The following ATG13 variants were observed in gnomAD, a reference collection of about 807,000 sequenced individuals.
The protein encoded by ATG13 is autophagy-related protein 13.
ATG13 carries 23 observed loss-of-function variants against 65.5 expected under a neutral mutation model. That is an observed-to-expected ratio of 0.35 (90% CI 0.25 to 0.50). The LOEUF (loss-of-function observed/expected upper bound fraction) is 0.50, where lower values mean the gene tolerates loss of function less well. Among genes scored for constraint, ATG13 ranks in the 20% least tolerant of loss-of-function variants. The pLI, the probability that ATG13 is intolerant of heterozygous loss-of-function variation, is 0.98. For synonymous variants in ATG13, 252 were observed against 245.2 expected, an observed-to-expected ratio of 1.03 and a Z score of -0.26; for missense variants, 566 against 677.0, an observed-to-expected ratio of 0.84 and a Z score of 1.82.
At chr11:46,619,020 A>C (rs1415376052) in intron 1 of ATG13, among the ~76,000 whole-genome samples, 1 of 152,144 alleles carries the variant, frequency 6.6e-6, no homozygotes, top group East Asian at 1.9e-4. Flanking sequence ...CTTGAACTTT[A>C]GGTGTGGAAT....
chr11:46,646,869 C>G (rs2057696937), intron 5 of ATG13, among the ~76,000 whole-genome samples: 1 of 151,914 alleles, frequency 6.6e-6, no homozygotes, highest in Non-Finnish European at 1.5e-5. Context: ...AAACAGTCCT[C>G]CCACCTCAGC....
rs765409908 is a variant in ATG13, at chr11:46,664,036, A to G, written c.829A>G (p.Thr277Ala). 3 of 1,583,058 alleles carry G rather than the reference A, an allele frequency of 1.9e-6. No homozygotes were observed. Among genetic ancestry groups the G allele is most frequent in the Admixed American group, 1.7e-5 (1 of 57,808 alleles). Residue 277 changes from threonine to alanine, a missense_variant, in exon 12 of 19, where the codon ACT (threonine) becomes GCT (alanine). Physicochemically the swap from Thr to Ala is moderately conservative, Grantham distance 58. Coordinates refer to ENST00000683050, the MANE Select transcript of ATG13 (RefSeq NM_001346311.2). ...CACAAAGGCACATTTTCAGACCCCT[A>G]CTCCTGTGGTGACGGACACCCTGAG... is the stretch of plus-strand genomic sequence containing the variant. The part of the protein sequence containing the change: ...TVTKAHFQTP[T>A]PVVTDTLRVP...
intron 1 of ATG13, among the ~76,000 whole-genome samples, chr11:46,618,092 C>G (rs2045914780): frequency 6.6e-6 from 1 of 152,174 alleles, no homozygotes; most frequent in Non-Finnish European, 1.5e-5. Context: ...AGAATCCCCT[C>G]CACCCCAGAG....
chr11:46,640,056 G>A (rs1293553755), intron 2 of ATG13, among the ~76,000 whole-genome samples: 1 of 151,864 alleles, frequency 6.6e-6, no homozygotes, highest in African/African-American at 2.4e-5. Flanking sequence ...TGTTGCCCAG[G>A]CTGGTCTCAA....
At chr11:46,668,380 C>T (rs1012321115) in intron 15 of ATG13, 119 bp from the exon 16 acceptor site, 11 of 974,756 alleles carry the variant, frequency 1.1e-5, no homozygotes, top group African/African-American at 1.6e-5. Flanking sequence ...GCCTAAGGGG[C>T]AGCATGGTCA....
intron 9 of ATG13, 120 bp downstream of exon 9, chr11:46,657,311 T>A: frequency 1.9e-6 from 2 of 1,046,374 alleles, no homozygotes; most frequent in Non-Finnish European, 2.8e-6. Context: ...TTCAGAAGAA[T>A]AAAGAGAGAG....
At chr11:46,657,461 AGGACTTTGTGGGGGCT>A in intron 9 of ATG13, 47 bp from the exon 10 acceptor site, 1 of 1,496,728 alleles carries the variant, frequency 6.7e-7, no homozygotes, top group Non-Finnish European at 9.3e-7. Context: ...GGGCCCTCTG[AGGACTTTGTGGGGGCT>A]GGAAAGGCAT....
chr11:46,655,577 C>A (rs1341624580), intron 7 of ATG13, among the ~76,000 whole-genome samples: 2 of 152,034 alleles, frequency 1.3e-5, no homozygotes, highest in Non-Finnish European at 2.9e-5. Context: ...CCGTCTCAAA[C>A]AAAACAAAAC....
At chr11:46,627,741 A>C (rs1591503486) in intron 1 of ATG13, among the ~76,000 whole-genome samples, 1 of 152,042 alleles carries the variant, frequency 6.6e-6, no homozygotes, top group South Asian at 2.1e-4. Context: ...GGTATCCCAG[A>C]GTGCTGGGGT....
At chr11:46,659,220 A>C in intron 10 of ATG13, 172 bp from the exon 11 acceptor site, 1 of 558,468 alleles carries the variant, frequency 1.8e-6, no homozygotes, top group Non-Finnish European at 3.2e-6. Flanking sequence ...TCTGAGTGCC[A>C]CTCTCTGGAA....
In ATG13 at chr11:46,654,283, T is replaced by TATATATATATATATATA. The variant is rs1555105175; in HGVS notation, c.459-1950_459-1949insATATATATATATATATA. ...CCTCATCACTACTATTTTTAAAATT[T>TATATATATATATATATA]TATATATATATATATATATATATAT... On this transcript the variant is annotated intron_variant, in intron 7 of 18. Coordinates refer to ENST00000683050, the MANE Select transcript of ATG13 (RefSeq NM_001346311.2). 3.3e-4 allele frequency among the ~76,000 whole-genome samples: 40 copies of TATATATATATATATATA among 122,304 alleles called. 1 individual carries two copies. Among genetic ancestry groups the TATATATATATATATATA allele is most frequent in the African/African-American group, 1.1e-3 (33 of 29,216 alleles). 80.2% of individuals were successfully genotyped at this position (122,304 alleles called of 152,430 possible).
intron 17 of ATG13, among the ~76,000 whole-genome samples, chr11:46,669,117 A>G (rs1030585879): frequency 6.6e-6 from 1 of 152,232 alleles, no homozygotes; most frequent in Non-Finnish European, 1.5e-5. Flanking sequence ...GTTAAAATTC[A>G]TAATGAAATT....
chr11:46,647,790 C>T (rs1035754823), intron 5 of ATG13, among the ~76,000 whole-genome samples: 2 of 151,946 alleles, frequency 1.3e-5, no homozygotes, highest in African/African-American at 4.8e-5. Flanking sequence ...CTGTACTGCC[C>T]AGGCTGGAGT....
chr11:46,655,314 C>T (rs1255504590), intron 7 of ATG13, among the ~76,000 whole-genome samples: 1 of 152,130 alleles, frequency 6.6e-6, no homozygotes, highest in Non-Finnish European at 1.5e-5. Context: ...AGGAGAATGG[C>T]ATGAACCTGG....
chr11:46,648,804 G>T, intron 5 of ATG13: 1 of 162,544 alleles, frequency 6.2e-6, no homozygotes, highest in South Asian at 1.9e-4. Flanking sequence ...AAAAAAGAGA[G>T]AGAGAGAAAC....
At chr11:46,633,107 C>T (rs974648455) in intron 2 of ATG13, among the ~76,000 whole-genome samples, 2 of 147,140 alleles carry the variant, frequency 1.4e-5, no homozygotes, top group African/African-American at 5.0e-5. Context: ...TCACTGCAAC[C>T]TCCTCCTCTC....
intron 2 of ATG13, 79 bp from the exon 3 acceptor site, chr11:46,644,200 A>G (rs2056931033): frequency 1.8e-6 from 2 of 1,119,160 alleles, no homozygotes; most frequent in East Asian, 2.6e-5. Flanking sequence ...GCTAGTAGAC[A>G]ATACCATCTC....
intron 1 of ATG13, 85 bp downstream of exon 1, chr11:46,617,975 T>C: frequency 2.5e-6 from 1 of 398,876 alleles, no homozygotes; most frequent in Non-Finnish European, 4.4e-6. Context: ...TGGCTGCTGC[T>C]TCGTGGAAGT....
chr11:46,642,443 T>G (rs2056375350), intron 2 of ATG13, among the ~76,000 whole-genome samples: 1 of 151,756 alleles, frequency 6.6e-6, no homozygotes, highest in African/African-American at 2.4e-5. Flanking sequence ...GTAGCTGGTA[T>G]TACAGGCGTG....
Sources: allele counts gnomAD v4.1 joint callset (sites outside exome capture counted in the v4.1 genomes callset), GRCh38; gene constraint gnomAD v4.1.1; transcripts MANE v1.5; gene names NCBI Gene and HGNC (gene_info 2026-07-23, HGNC 2026-07-21).